Variants in PDGFC observed in about 807,000 individuals in gnomAD.
PDGFC encodes platelet derived growth factor C.
In PDGFC, 12 loss-of-function variants were observed where a neutral mutation model predicts 35.5. The observed-to-expected ratio is 0.34, with a 90% CI of 0.22 to 0.55. The LOEUF (loss-of-function observed/expected upper bound fraction) is 0.55, where lower values mean the gene tolerates loss of function less well. Ranked by LOEUF, PDGFC falls within the 20% of genes least tolerant of loss-of-function variation. The pLI is 0.91. For synonymous variants in PDGFC, 159 were observed against 148.8 expected, an observed-to-expected ratio of 1.07 and a Z score of -0.50; for missense variants, 322 against 412.4, an observed-to-expected ratio of 0.78 and a Z score of 1.90.
At chr4:156,851,916 A>G (rs2111087150) in intron 1 of PDGFC, among the ~76,000 whole-genome samples, 2 of 131,014 alleles carry the variant, frequency 1.5e-5, no homozygotes, top group African/African-American at 3.0e-5. Context: ...GGGCGACAGA[A>G]TGAGACTCCA....
intron 1 of PDGFC, among the ~76,000 whole-genome samples, chr4:156,855,598 A>T (rs1358000689): frequency 2.0e-5 from 3 of 152,148 alleles, no homozygotes; most frequent in African/African-American, 7.2e-5. Flanking sequence ...CAAACTATGT[A>T]AAAATGCATT....
At chr4:156,856,653 A>G (rs1379171591) in intron 1 of PDGFC, among the ~76,000 whole-genome samples, 4 of 152,160 alleles carry the variant, frequency 2.6e-5, no homozygotes, top group Non-Finnish European at 5.9e-5. Flanking sequence ...GCAGCACCTA[A>G]TACCTATTGA....
intron 1 of PDGFC, among the ~76,000 whole-genome samples, chr4:156,958,029 T>C (rs961174255): frequency 1.3e-5 from 2 of 152,030 alleles, no homozygotes; most frequent in Non-Finnish European, 2.9e-5. Context: ...TTCTCAGCCT[T>C]TTCTAATGGC....
chr4:156,921,412 G>A (rs1475575389), intron 1 of PDGFC, among the ~76,000 whole-genome samples: 1 of 152,086 alleles, frequency 6.6e-6, no homozygotes, highest in Non-Finnish European at 1.5e-5. Context: ...GAGATGGGAT[G>A]TATTTGGTTA....
intron 1 of PDGFC, among the ~76,000 whole-genome samples, chr4:156,961,034 T>C (rs1732331251): frequency 6.6e-6 from 1 of 152,150 alleles, no homozygotes; most frequent in South Asian, 2.1e-4. Context: ...GAGAAATGAA[T>C]ACTTCTGTCT....
chr4:156,765,767 G>C (rs922067807), intron 5 of PDGFC, among the ~76,000 whole-genome samples: 1 of 151,998 alleles, frequency 6.6e-6, no homozygotes, highest in Non-Finnish European at 1.5e-5. Flanking sequence ...CCTGCTTCAG[G>C]GCAAAATTCA....
chr4:156,967,532 G>T (rs542409755), intron 1 of PDGFC: 2 of 152,222 alleles, frequency 1.3e-5, no homozygotes, highest in South Asian at 4.2e-4. Context: ...AAAATGATAC[G>T]CATGCTCTTA....
chr4:156,833,902 G>A lies in PDGFC; in HGVS notation c.314+16319C>T, dbSNP rs1218146170. On this transcript the variant is annotated intron_variant, in intron 2 of 5. Coordinates refer to ENST00000502773, the MANE Select transcript of PDGFC (RefSeq NM_016205.3). The stretch of plus-strand genomic sequence containing the variant: ...TAGTTCAAGGCTTGGCAAATAGTAG[G>A]AATCAACATATTGTAGCATTTATTA... 5.3e-5 allele frequency among the ~76,000 whole-genome samples: 8 copies of A among 152,134 alleles called. No individual in the cohort carries two copies. The South Asian group carries it at 1.5e-3, about 28-fold the overall frequency.
rs1730414247 is a variant in PDGFC at position 156,762,863 on chromosome 4, A to AT, written c.*226dup. The stretch of plus-strand genomic sequence containing the variant: ...TACAACATTTAATTTTCTTTCCACG[A>AT]TTGAAGACCTTTTCTCCTGTCCTTT... On this transcript the variant is annotated 3_prime_UTR_variant, in exon 6 of 6. Coordinates refer to ENST00000502773, the MANE Select transcript of PDGFC (RefSeq NM_016205.3). 1 of 458,784 alleles carries AT rather than the reference A, an allele frequency of 2.2e-6. No homozygotes were observed. Among genetic ancestry groups the AT allele is most frequent in the African/African-American group, 1.9e-5 (1 of 51,740 alleles). The allele number at this position is 458,784 out of a possible 1,614,324, so 28.4% of individuals were successfully genotyped here. A position where few individuals can be genotyped will look rare whatever the true frequency, so the allele number is the denominator to read the frequency against.
intron 1 of PDGFC, among the ~76,000 whole-genome samples, chr4:156,887,063 A>G (rs1730393343): frequency 6.6e-6 from 1 of 152,214 alleles, no homozygotes; most frequent in Non-Finnish European, 1.5e-5. Context: ...AAACAAAGCC[A>G]TATGAGCCAC....
chr4:156,902,257 A>G (rs1336344722), intron 1 of PDGFC, among the ~76,000 whole-genome samples: 2 of 152,194 alleles, frequency 1.3e-5, no homozygotes, highest in Non-Finnish European at 2.9e-5. Flanking sequence ...CAAATAGAAA[A>G]GTTCAGAAAA....
chr4:156,855,965 G>C (rs1729570253), intron 1 of PDGFC, among the ~76,000 whole-genome samples: 1 of 152,086 alleles, frequency 6.6e-6, no homozygotes, highest in Non-Finnish European at 1.5e-5. Flanking sequence ...GAGGTCCACA[G>C]AGCAAACAAA....
At chr4:156,904,663 C>A (rs1019943044) in intron 1 of PDGFC, among the ~76,000 whole-genome samples, 10 of 152,208 alleles carry the variant, frequency 6.6e-5, no homozygotes, top group Non-Finnish European at 1.3e-4. Context: ...GTTGTTCCAA[C>A]TAGCTACTCT....
chr4:156,765,523 G>A (rs75753711), intron 5 of PDGFC, among the ~76,000 whole-genome samples: 1 of 152,212 alleles, frequency 6.6e-6, no homozygotes, highest in South Asian at 2.1e-4. Flanking sequence ...CAGAGCACTG[G>A]GAACAGGGAT....
chr4:156,910,699 T>C (rs1261364236), intron 1 of PDGFC, among the ~76,000 whole-genome samples: 1 of 152,158 alleles, frequency 6.6e-6, no homozygotes, highest in Non-Finnish European at 1.5e-5. Context: ...CTCACCAGTA[T>C]TTGGCATCAC....
intron 5 of PDGFC, among the ~76,000 whole-genome samples, chr4:156,765,706 T>C (rs1730505013): frequency 6.6e-6 from 1 of 152,198 alleles, no homozygotes. Flanking sequence ...AAGGAACGAA[T>C]ATTTTACTAT....
At chr4:156,861,156 A>G (rs2111113641) in intron 1 of PDGFC, among the ~76,000 whole-genome samples, 1 of 152,244 alleles carries the variant, frequency 6.6e-6, no homozygotes, top group Admixed American at 6.5e-5. Context: ...AAAGATTATT[A>G]GGAGTATGAG....
rs2110933793 is a variant in PDGFC, at chr4:156,807,433, T to C, written c.495+3404A>G. 2.0e-5 allele frequency among the ~76,000 whole-genome samples: 3 copies of C among 152,100 alleles called. No individual in the cohort carries two copies. In the East Asian group the frequency reaches 5.8e-4, roughly 29 times the overall value. ...GAAATCCCAATATTGTAAAGGAAAG[T>C]ACTGATATTTATAATAAATATGTAA... On this transcript the variant is annotated intron_variant, in intron 3 of 5. Coordinates refer to ENST00000502773, the MANE Select transcript of PDGFC (RefSeq NM_016205.3).
intron 3 of PDGFC, among the ~76,000 whole-genome samples, chr4:156,806,984 CCAAA>C (rs1330173703): frequency 1.5e-4 from 23 of 151,650 alleles, no homozygotes; most frequent in African/African-American, 1.5e-4. Context: ...TCATTTCTTC[CCAAA>C]CAATCTCTCA....
Sources: allele counts gnomAD v4.1 joint callset (sites outside exome capture counted in the v4.1 genomes callset), GRCh38; gene constraint gnomAD v4.1.1; transcripts MANE v1.5; gene names NCBI Gene and HGNC (gene_info 2026-07-23, HGNC 2026-07-21).